The following PDCD2L variants were observed in gnomAD, a reference collection of about 807,000 sequenced individuals.
PDCD2L encodes the protein uS5 assembly chaperone PDCD2L.
A neutral mutation model predicts 40.4 loss-of-function variants in PDCD2L; 44 were observed. The observed-to-expected ratio is 1.09, with a 90% CI of 0.86 to 1.40. PDCD2L has a LOEUF of 1.40. Ranked by LOEUF, PDCD2L falls within the 40% of genes most tolerant of loss-of-function variation. PDCD2L has a pLI of 0.00. For synonymous variants in PDCD2L, 194 were observed against 174.6 expected, an observed-to-expected ratio of 1.11 and a Z score of -0.88; for missense variants, 470 against 453.7, an observed-to-expected ratio of 1.04 and a Z score of -0.33.
At chr19:34,421,974 G>C (rs1015507236) in intron 6 of PDCD2L, 1 of 178,910 alleles carries the variant, frequency 5.6e-6, no homozygotes, top group African/African-American at 2.4e-5. Context: ...TGTAGTCCCA[G>C]CTCCTTGGGA....
intron 5 of PDCD2L, among the ~76,000 whole-genome samples, chr19:34,418,362 G>A (rs1219080134): frequency 6.6e-6 from 1 of 151,924 alleles, no homozygotes; most frequent in Non-Finnish European, 1.5e-5. Context: ...TGCATTTCCT[G>A]TGAAAGTATA....
intron 5 of PDCD2L, among the ~76,000 whole-genome samples, chr19:34,416,216 C>T (rs1290883364): frequency 1.3e-5 from 2 of 152,054 alleles, no homozygotes; most frequent in East Asian, 1.9e-4. Flanking sequence ...CCACCATGCC[C>T]GGCCTAAGAA....
At chr19:34,413,495 C>T (rs868669558) in intron 4 of PDCD2L, among the ~76,000 whole-genome samples, 33 of 151,794 alleles carry the variant, frequency 2.2e-4, no homozygotes, top group African/African-American at 7.7e-4. Context: ...AGCCACCATG[C>T]CCAGCCAATT....
At chr19:34,413,035 T>C (rs8102062) in intron 4 of PDCD2L, among the ~76,000 whole-genome samples, 151,120 of 151,300 alleles carry the variant, frequency 1, 75,470 homozygotes, top group Non-Finnish European at 1. Context: ...CCCACTGCAC[T>C]GGCCTGAGAA....
intron 6 of PDCD2L, 182 bp downstream of exon 6, chr19:34,421,849 G>A (rs2075152938): frequency 3.4e-6 from 2 of 594,170 alleles, no homozygotes; most frequent in Admixed American, 3.5e-5. Context: ...CAGCACTTTG[G>A]GAGGCCAAGG....
chr19:34,417,107 C>CT, intron 5 of PDCD2L, among the ~76,000 whole-genome samples: 1 of 151,662 alleles, frequency 6.6e-6, no homozygotes, highest in East Asian at 2.0e-4. Context: ...GAGTGAGACT[C>CT]TGTCTCAAAA....
chr19:34,420,569 C>A (rs2075145811), intron 5 of PDCD2L, among the ~76,000 whole-genome samples: 1 of 151,876 alleles, frequency 6.6e-6, no homozygotes, highest in Non-Finnish European at 1.5e-5. Flanking sequence ...GGGAGGATCA[C>A]TTGAGGCCAG....
chr19:34,423,436 G>A (rs1431912811), intron 6 of PDCD2L, among the ~76,000 whole-genome samples: 1 of 151,390 alleles, frequency 6.6e-6, no homozygotes, highest in Admixed American at 6.6e-5. Context: ...GACCTGCCTC[G>A]GCATCCCAAA....
At position 34,426,093 on chromosome 19, in the gene PDCD2L, A is replaced by C. The variant is rs1341196827; in HGVS notation, c.1050A>C (p.Glu350Asp). 1 of 1,588,106 alleles carries C rather than the reference A, an allele frequency of 6.3e-7. No individual in the cohort carries two copies. The highest frequency in any genetic ancestry group is 1.7e-5 in the Admixed American group (1 of 59,910). ...TPMEEFCIIQ[E>D]DPDELLFK ...TGGAAGAATTTTGTATTATACAAGA[A>C]GACCCAGATGAATTATTGTTTAAGT... Residue 350 changes from glutamate (E) to aspartate (D), a missense_variant, in exon 7 of 7, where the codon GAA becomes GAC. Transcript: ENST00000246535.
chr19:34,405,143 G>GTTTTTTT (rs74177144), intron 3 of PDCD2L, among the ~76,000 whole-genome samples, 153 bp downstream of exon 3: 4 of 111,072 alleles, frequency 3.6e-5, no homozygotes, highest in African/African-American at 7.3e-5. Context: ...TTTTCGTAAA[G>GTTTTTTT]TTTTTTTTTT....
At chr19:34,416,347 G>A (rs947236495) in intron 5 of PDCD2L, among the ~76,000 whole-genome samples, 2 of 152,220 alleles carry the variant, frequency 1.3e-5, no homozygotes, top group African/African-American at 4.8e-5. Flanking sequence ...GGGAGGTGGT[G>A]TAGGAAAGGA....
At chr19:34,416,207 C>G (rs952876551) in intron 5 of PDCD2L, among the ~76,000 whole-genome samples, 1 of 152,132 alleles carries the variant, frequency 6.6e-6, no homozygotes, top group African/African-American at 2.4e-5. Context: ...AGGTGTGAGC[C>G]ACCATGCCCG....
intron 4 of PDCD2L, among the ~76,000 whole-genome samples, chr19:34,411,025 C>T (rs1027281312): frequency 2.0e-5 from 3 of 151,810 alleles, no homozygotes; most frequent in Non-Finnish European, 4.4e-5. Flanking sequence ...CCTCGTGATC[C>T]ACCTGCCTTG....
chr19:34,417,617 AAG>A (rs201608156), intron 5 of PDCD2L, among the ~76,000 whole-genome samples: 12,880 of 149,672 alleles, frequency 0.086, 842 homozygotes, highest in African/African-American at 0.19. Flanking sequence ...CAAAAAAAAA[AAG>A]AAAAAAAAAG....
At chr19:34,417,087 C>T (rs2075129710) in intron 5 of PDCD2L, among the ~76,000 whole-genome samples, 1 of 151,882 alleles carries the variant, frequency 6.6e-6, no homozygotes, top group African/African-American at 2.4e-5. Flanking sequence ...GCACTCCAGC[C>T]TGGGTGACAG....
chr19:34,406,048 A>G (rs771549276), intron 3 of PDCD2L, among the ~76,000 whole-genome samples: 8 of 152,192 alleles, frequency 5.3e-5, no homozygotes, highest in Admixed American at 1.3e-4. Flanking sequence ...AGGCTGAGGT[A>G]GGAGGATTGC....
At position 34,404,931 on chromosome 19, in the gene PDCD2L, T is replaced by G; in HGVS notation, c.277T>G (p.Trp93Gly). Residue 93 changes from tryptophan to glycine, a missense_variant and splice_region_variant, in exon 3 of 7, where the codon TGG becomes GGG. Coordinates refer to ENST00000246535, the MANE Select transcript of PDCD2L (RefSeq NM_032346.2). The part of the protein sequence containing the change: ...PGCSTGGARS[W>G]KVFRSQCLQV... The stretch of plus-strand genomic sequence containing the variant: ...CGGCCCTTTGTCTTCACCCCGAAGC[T>G]GGAAGGTGTTCCGCTCCCAGTGCCT... 6.2e-7 allele frequency: 1 copy of G among 1,614,092 alleles called. No individual in the cohort carries two copies. The highest frequency in any genetic ancestry group is 8.5e-7 in the Non-Finnish European group (1 of 1,180,020).
chr19:34,405,292 A>G (rs2075069090), intron 3 of PDCD2L, among the ~76,000 whole-genome samples: 1 of 151,482 alleles, frequency 6.6e-6, no homozygotes, highest in Admixed American at 6.6e-5. Context: ...GATTACAGGC[A>G]TATGCCACCA....
intron 4 of PDCD2L, among the ~76,000 whole-genome samples, chr19:34,412,208 CAG>C (rs2075107275): frequency 1.3e-5 from 2 of 149,794 alleles, no homozygotes; most frequent in Admixed American, 6.7e-5. Flanking sequence ...TTAGTAGAGA[CAG>C]GGTTTCACCA....
Sources: allele counts gnomAD v4.1 joint callset (sites outside exome capture counted in the v4.1 genomes callset), GRCh38; gene constraint gnomAD v4.1.1; transcripts MANE v1.5; gene names NCBI Gene and HGNC (gene_info 2026-07-23, HGNC 2026-07-21).